HPSE: variants seen among roughly 807,000 people sequenced by gnomAD.
HPSE encodes heparanase, also known as endo-glucoronidase.
HPSE carries 48 observed loss-of-function variants against 65.1 expected under a neutral mutation model. The observed-to-expected ratio is 0.74, with a 90% confidence interval of 0.58 to 0.94. HPSE has a LOEUF of 0.94. Ranked by LOEUF, HPSE falls within the 40% of genes least tolerant of loss-of-function variation. The probability of loss-of-function intolerance (pLI) is 0.00; values close to 1 mark genes in which losing one functional copy is unlikely to be tolerated. For missense variants in HPSE, 644 were observed against 637.5 expected, an observed-to-expected ratio of 1.01 and a Z score of -0.11; for synonymous variants, 243 against 260.0, an observed-to-expected ratio of 0.93 and a Z score of 0.63.
chr4:83,302,406 C>CATCT, intron 9 of HPSE, 138 bp from the exon 10 acceptor site: 1 of 501,868 alleles, frequency 2.0e-6, no homozygotes, highest in Admixed American at 3.7e-5. Context: ...TAGGATTCAT[C>CATCT]TTTTTTTTTT....
intron 8 of HPSE, among the ~76,000 whole-genome samples, chr4:83,307,954 T>G (rs1036967490): frequency 6.6e-6 from 1 of 152,132 alleles, no homozygotes; most frequent in Non-Finnish European, 1.5e-5. Flanking sequence ...ATGAGATGAT[T>G]TAACAAATCT....
At chr4:83,301,551 A>AT (rs1262978047) in intron 10 of HPSE, among the ~76,000 whole-genome samples, 3 of 152,154 alleles carry the variant, frequency 2.0e-5, no homozygotes, top group Non-Finnish European at 4.4e-5. Context: ...ATCTACTGAC[A>AT]TTTTTTATGA....
At chr4:83,327,570 T>G (rs1227200250) in intron 1 of HPSE, among the ~76,000 whole-genome samples, 1 of 152,232 alleles carries the variant, frequency 6.6e-6, no homozygotes, top group Non-Finnish European at 1.5e-5. Flanking sequence ...AAGCTTCAGC[T>G]ATTCTATTTC....
At chr4:83,334,877 C>A, upstream of HPSE, 1 of 1,433,182 alleles carries the variant, frequency 7.0e-7, no homozygotes, top group South Asian at 1.5e-5. Context: ...GCGCCCTTTT[C>A]TCCTTTCCTC....
chr4:83,296,013 T>C (rs373264302), intron 11 of HPSE, among the ~76,000 whole-genome samples: 2 of 152,258 alleles, frequency 1.3e-5, no homozygotes, highest in South Asian at 2.1e-4. Flanking sequence ...GCAGGAGGTA[T>C]GCATTCATTT....
intron 1 of HPSE, among the ~76,000 whole-genome samples, chr4:83,327,710 C>A (rs533904049): frequency 6.6e-6 from 1 of 152,144 alleles, no homozygotes; most frequent in South Asian, 2.1e-4. Flanking sequence ...ACGTTGTTGG[C>A]CTGTGAAAGC....
chr4:83,306,294 G>A lies in HPSE; in HGVS notation c.1115C>T (p.Ser372Leu). 1 of 1,612,006 alleles carries A rather than the reference G, an allele frequency of 6.2e-7. No individual in the cohort carries two copies. Among genetic ancestry groups the A allele is most frequent in the African/African-American group, 1.3e-5 (1 of 75,012 alleles). ...CACCACTTCTATTCCCATTCGGGCT[G>A]ACAGGCCCAATTTATCCAGCCACCT... ...GFMWLDKLGL[S>L]ARMGIEVVMR... is the part of the protein sequence containing the mutation. The change falls in exon 9 of 12, where the codon TCA becomes TTA. Residue 372 changes from serine (S) to leucine (L), a missense_variant. Transcript: ENST00000311412.
At chr4:83,316,783 T>C (rs1184850715) in intron 3 of HPSE, among the ~76,000 whole-genome samples, 11 of 152,232 alleles carry the variant, frequency 7.2e-5, no homozygotes, top group African/African-American at 2.7e-4. Flanking sequence ...ATGACAAATG[T>C]TTTTGTCATC....
Position 83,308,820 on chromosome 4 carries a change from C to T in HPSE, c.1091+25G>A, listed in dbSNP as rs895306455. 2.6e-6 allele frequency: 4 copies of T among 1,567,762 alleles called. No individual in the cohort carries two copies. In the African/African-American group the frequency reaches 5.4e-5, roughly 21 times the overall value. ...ATGGAGAAGAGCTGCACTCTGACCC[C>T]TAAGGCCAGCGCTGCTTCACTCACA... On this transcript the variant is annotated intron_variant, in intron 8 of 11. Transcript: ENST00000311412.
At chr4:83,324,638 G>T (rs1252949374) in intron 1 of HPSE, among the ~76,000 whole-genome samples, 1 of 152,184 alleles carries the variant, frequency 6.6e-6, no homozygotes, top group Non-Finnish European at 1.5e-5. Context: ...CTCTAGGAAG[G>T]ATGGCATCTG....
chr4:83,329,708 T>C (rs1481448350), intron 1 of HPSE, among the ~76,000 whole-genome samples: 4 of 152,140 alleles, frequency 2.6e-5, no homozygotes, highest in African/African-American at 7.2e-5. Context: ...GCTGGTTCTG[T>C]TACAACTTGA....
chr4:83,322,342 CCAAG>C lies in HPSE; in HGVS notation c.246_249del (p.Leu83ProfsTer9), dbSNP rs1387857216. The C allele has an allele frequency of 1.6e-5, 26 of 1,612,938 alleles. No individual in the cohort carries two copies. The highest frequency in any genetic ancestry group is 2.1e-5 in the Non-Finnish European group (25 of 1,179,540). On this transcript the variant is annotated frameshift_variant, in exon 2 of 12. Transcript: ENST00000311412. LOFTEE classifies it high-confidence loss of function. ...AGGTACGCAGGAGACAAGCCTCTGG[CCAAG>C]GTACGAAGCTTTGGAGAACTGTTAG... is the stretch of plus-strand genomic sequence containing the variant.
At chr4:83,310,165 G>C (rs1265176948) in intron 5 of HPSE, 87 bp from the exon 6 acceptor site, 1 of 815,402 alleles carries the variant, frequency 1.2e-6, no homozygotes, top group African/African-American at 1.7e-5. Flanking sequence ...CTAGAAATGG[G>C]CTGGTTACTG....
At chr4:83,325,150 T>C (rs1202411153) in intron 1 of HPSE, among the ~76,000 whole-genome samples, 1 of 139,846 alleles carries the variant, frequency 7.2e-6, no homozygotes, top group African/African-American at 3.1e-5. Context: ...TGTGTGTGTG[T>C]GTGTGTGTGT....
intron 1 of HPSE, among the ~76,000 whole-genome samples, chr4:83,324,884 C>T (rs1022125941): frequency 2.0e-5 from 3 of 152,060 alleles, no homozygotes; most frequent in Admixed American, 1.3e-4. Flanking sequence ...GTGAATGCAC[C>T]AAACTGCATA....
In HPSE at chr4:83,300,672, G is replaced by A. The variant is rs1489475396; in HGVS notation, c.1472+288C>T. 1.6e-4 allele frequency among the ~76,000 whole-genome samples: 6 copies of A among 38,254 alleles called. 2 individuals are homozygous for A. Among genetic ancestry groups the A allele is most frequent in the African/African-American group, 3.2e-4 (6 of 18,624 alleles). 25.1% of individuals were successfully genotyped at this position (38,254 alleles called of 152,430 possible). A position where few individuals can be genotyped will look rare whatever the true frequency, so the allele number is the denominator to read the frequency against. On this transcript the variant is annotated intron_variant, in intron 11 of 11. Transcript: ENST00000311412. ...CTACTAAAAATACAAAAAATTAGCCGGGCGTAGTGGCGGGCGCCTGTAGTC... is the reference window on the plus strand; with the variant it reads ...CTACTAAAAATACAAAAAATTAGCCAGGCGTAGTGGCGGGCGCCTGTAGTC...
At chr4:83,327,823 C>A (rs1737210328) in intron 1 of HPSE, among the ~76,000 whole-genome samples, 1 of 152,130 alleles carries the variant, frequency 6.6e-6, no homozygotes, top group Non-Finnish European at 1.5e-5. Flanking sequence ...TCAGCAAAAA[C>A]CATCAACCAG....
chr4:83,332,519 A>G (rs1008213326), intron 1 of HPSE, among the ~76,000 whole-genome samples: 2 of 152,366 alleles, frequency 1.3e-5, no homozygotes, highest in Admixed American at 1.3e-4. Flanking sequence ...AAACCAGAAA[A>G]AAAGTTTTAT....
At chr4:83,296,677 G>GAAAAAAAAAAA (rs959233639) in intron 11 of HPSE, among the ~76,000 whole-genome samples, 2 of 91,096 alleles carry the variant, frequency 2.2e-5, no homozygotes, top group African/African-American at 3.9e-5. Flanking sequence ...TCTAAAAAAA[G>GAAAAAAAAAAA]AAAAAAAAAA....
Sources: allele counts gnomAD v4.1 joint callset (sites outside exome capture counted in the v4.1 genomes callset), GRCh38; gene constraint gnomAD v4.1.1; transcripts MANE v1.5; gene names NCBI Gene and HGNC (gene_info 2026-07-23, HGNC 2026-07-21).